The following LRP1B variants were observed in gnomAD, a reference collection of about 807,000 sequenced individuals.
The protein encoded by LRP1B is LDL receptor related protein 1B.
LRP1B carries 217 observed loss-of-function variants against 556.6 expected under a neutral mutation model. The ratio of observed to expected loss-of-function variants is 0.39; its 90% CI spans 0.35 to 0.44. LRP1B has a LOEUF of 0.44. Among genes scored for constraint, LRP1B ranks in the 20% least tolerant of loss-of-function variants. The pLI, the probability that LRP1B is intolerant of heterozygous loss-of-function variation, is 1.00. For synonymous variants in LRP1B, 2,047 were observed against 1,865.8 expected (o/e 1.10, Z -2.50); for missense variants, 5,053 against 5,620.8 (o/e 0.90, Z 3.23).
intron 2 of LRP1B, among the ~76,000 whole-genome samples, chr2:141,692,984 C>T (rs1404832937): frequency 6.6e-6 from 1 of 152,028 alleles, no homozygotes; most frequent in East Asian, 1.9e-4. Flanking sequence ...AATGAGAGAT[C>T]CATTGTTCAA....
rs144819701 is a variant in LRP1B, at chr2:141,407,521, G to C, written c.343+72875C>G. ...TGGATCATACAGGCGGATCCCTCAT[G>C]AATGGCTTGGGCAATTCCCTTGGTG... is the stretch of plus-strand genomic sequence containing the variant. On this transcript the variant is annotated intron_variant, in intron 3 of 90. Coordinates refer to ENST00000389484, the MANE Select transcript of LRP1B (RefSeq NM_018557.3). Among the ~76,000 whole-genome samples the C allele has an allele frequency of 3.9e-5, 6 of 152,226 alleles. No individual in the cohort carries two copies. The East Asian group carries it at 7.8e-4, about 20-fold the overall frequency.
chr2:141,292,858 G>A (rs1414907307), intron 3 of LRP1B, among the ~76,000 whole-genome samples: 2 of 152,092 alleles, frequency 1.3e-5, no homozygotes, highest in Non-Finnish European at 2.9e-5. Context: ...ACAGATAAAG[G>A]ATACTAGGTA....
intron 3 of LRP1B, among the ~76,000 whole-genome samples, chr2:141,272,455 A>G (rs1293504021): frequency 6.6e-6 from 1 of 152,188 alleles, no homozygotes; most frequent in Non-Finnish European, 1.5e-5. Flanking sequence ...AATACCAAAC[A>G]TAAATTGGAC....
intron 43 of LRP1B, among the ~76,000 whole-genome samples, chr2:140,569,304 G>T (rs1174296253): frequency 6.6e-6 from 1 of 151,924 alleles, no homozygotes; most frequent in African/African-American, 2.4e-5. Flanking sequence ...CCAGCAGTAT[G>T]CTACTTAAAA....
chr2:140,251,570 A>G (rs1471136945), intron 86 of LRP1B, among the ~76,000 whole-genome samples: 1 of 151,972 alleles, frequency 6.6e-6, no homozygotes, highest in Non-Finnish European at 1.5e-5. Flanking sequence ...GGTGAACCTT[A>G]AAGCAATTTA....
intron 7 of LRP1B, among the ~76,000 whole-genome samples, chr2:141,176,066 A>G (rs1281192182): frequency 6.6e-6 from 1 of 152,050 alleles, no homozygotes; most frequent in African/African-American, 2.4e-5. Flanking sequence ...CAATGCCTGT[A>G]CCTCCATTGT....
At chr2:142,084,197 GT>G (rs1312663714) in intron 1 of LRP1B, among the ~76,000 whole-genome samples, 1 of 152,088 alleles carries the variant, frequency 6.6e-6, no homozygotes, top group East Asian at 1.9e-4. Context: ...GGCCAGGCTG[GT>G]TTTGAACTCC....
At chr2:140,729,287 C>A (rs1326733921) in intron 35 of LRP1B, among the ~76,000 whole-genome samples, 1 of 151,968 alleles carries the variant, frequency 6.6e-6, no homozygotes, top group East Asian at 1.9e-4. Context: ...CAGAGGCAAC[C>A]CATATTTTTA....
intron 68 of LRP1B, among the ~76,000 whole-genome samples, chr2:140,374,939 C>G (rs1683154694): frequency 6.6e-6 from 1 of 152,058 alleles, no homozygotes. Context: ...CAAAAGAGAT[C>G]TATACCTTGA....
chr2:140,781,699 G>A (rs1689703799), intron 32 of LRP1B, among the ~76,000 whole-genome samples: 1 of 152,154 alleles, frequency 6.6e-6, no homozygotes, highest in Admixed American at 6.5e-5. Context: ...TCTTATTTAT[G>A]ATGGTTTCCA....
At chr2:141,730,889 T>C (rs965720994) in intron 2 of LRP1B, among the ~76,000 whole-genome samples, 13 of 152,152 alleles carry the variant, frequency 8.5e-5, no homozygotes, top group Non-Finnish European at 1.8e-4. Context: ...CAGTTTCCTG[T>C]GTATAAAGAC....
chr2:141,340,058 A>G (rs967169168), intron 3 of LRP1B, among the ~76,000 whole-genome samples: 2 of 152,192 alleles, frequency 1.3e-5, no homozygotes, highest in African/African-American at 4.8e-5. Context: ...AATAACTCCA[A>G]TATAAAGCTT....
intron 31 of LRP1B, among the ~76,000 whole-genome samples, chr2:140,839,637 T>C (rs1241589794): frequency 6.6e-6 from 1 of 152,222 alleles, no homozygotes; most frequent in Non-Finnish European, 1.5e-5. Context: ...GGCTACAGAC[T>C]GAAGACTGCG....
chr2:141,837,924 G>A (rs1697340721), intron 1 of LRP1B, among the ~76,000 whole-genome samples: 1 of 152,080 alleles, frequency 6.6e-6, no homozygotes, highest in Admixed American at 6.6e-5. Context: ...TAATTGATAT[G>A]GTGAAAAAAT....
intron 2 of LRP1B, among the ~76,000 whole-genome samples, chr2:141,725,812 C>A (rs769993933): frequency 6.6e-6 from 1 of 151,072 alleles, no homozygotes; most frequent in African/African-American, 2.4e-5. Context: ...ATTCTAACTA[C>A]TCTAGTTTTT....
At position 140,768,318 on chromosome 2, in the gene LRP1B, C is replaced by CT. The variant is rs1350030199; in HGVS notation, c.5758+894dup. ...ATGCTGGTGCAAGATTACAATGATT[C>CT]TTTTTTTTAATATTATAAATCAAAT... On this transcript the variant is annotated intron_variant, in intron 35 of 90. Transcript: ENST00000389484. Among the ~76,000 whole-genome samples, 8 of 151,694 alleles carry CT rather than the reference C, an allele frequency of 5.3e-5. No homozygotes were observed. In the East Asian group the frequency reaches 1.4e-3, roughly 26 times the overall value.
chr2:141,775,245 G>C (rs1360826336), intron 2 of LRP1B, among the ~76,000 whole-genome samples: 2 of 152,290 alleles, frequency 1.3e-5, no homozygotes, highest in Non-Finnish European at 2.9e-5. Context: ...GTAAATTGTA[G>C]AAAATTAATA....
chr2:141,151,731 G>A (rs1438494021), intron 7 of LRP1B, among the ~76,000 whole-genome samples: 2 of 151,884 alleles, frequency 1.3e-5, no homozygotes, highest in Admixed American at 6.6e-5. Context: ...CCTTTTTCCT[G>A]GTAATACAAC....
chr2:141,981,362 T>A (rs879872936), intron 1 of LRP1B, among the ~76,000 whole-genome samples: 2 of 151,946 alleles, frequency 1.3e-5, no homozygotes, highest in Non-Finnish European at 2.9e-5. Flanking sequence ...TTCAGGAAGA[T>A]CAACTAAGGC....
Sources: gnomAD v4.1 joint callset for allele counts (sites outside exome capture counted in the v4.1 genomes callset) on GRCh38, gnomAD v4.1.1 for gene constraint, MANE v1.5 for transcripts, NCBI Gene and HGNC (gene_info 2026-07-23, HGNC 2026-07-21) for gene names.